Variants in XPR1 observed in about 807,000 individuals in gnomAD.
XPR1 encodes the protein xenotropic and polytropic retrovirus receptor 1, also known as solute carrier family 53 member 1.
A neutral mutation model predicts 87.5 loss-of-function variants in XPR1; 28 were observed. That is an observed-to-expected ratio of 0.32 (90% CI 0.24 to 0.44). The LOEUF is 0.44. XPR1 is among the 20% of genes least tolerant of loss of function. The probability of loss-of-function intolerance (pLI) is 1.00; values close to 1 mark genes in which losing one functional copy is unlikely to be tolerated. For missense variants in XPR1, 559 were observed against 862.3 expected (o/e 0.65, Z 4.41); for synonymous variants, 300 against 306.1 (o/e 0.98, Z 0.21).
chr1:180,789,263 C>G (rs1243271933), intron 3 of XPR1, among the ~76,000 whole-genome samples: 1 of 152,214 alleles, frequency 6.6e-6, no homozygotes, highest in Non-Finnish European at 1.5e-5. Flanking sequence ...ACTCCTGGCT[C>G]CCAGTCTGAA....
chr1:180,815,954 TAGG>T (rs770574291), intron 7 of XPR1, among the ~76,000 whole-genome samples: 2 of 152,220 alleles, frequency 1.3e-5, no homozygotes, highest in East Asian at 3.8e-4. Context: ...ACATGTATGC[TAGG>T]AGGATAGTCA....
chr1:180,814,880 A>G (rs912143932), intron 7 of XPR1, among the ~76,000 whole-genome samples: 4 of 152,054 alleles, frequency 2.6e-5, no homozygotes, highest in African/African-American at 9.7e-5. Context: ...GAGCAAAGAG[A>G]TTTAGTTGGC....
intron 2 of XPR1, among the ~76,000 whole-genome samples, chr1:180,750,572 G>C (rs1175394409): frequency 4.6e-5 from 7 of 151,142 alleles, no homozygotes; most frequent in Admixed American, 6.6e-5. Flanking sequence ...ACATGTGTAG[G>C]TCTGTTTCTT....
chr1:180,737,050 T>C (rs1308510329), intron 2 of XPR1, among the ~76,000 whole-genome samples: 1 of 152,228 alleles, frequency 6.6e-6, no homozygotes, highest in Non-Finnish European at 1.5e-5. Flanking sequence ...ATCTTCAGAC[T>C]TTCTTGCCGA....
At chr1:180,662,015 A>G (rs1655796577) in intron 1 of XPR1, among the ~76,000 whole-genome samples, 1 of 152,140 alleles carries the variant, frequency 6.6e-6, no homozygotes, top group African/African-American at 2.4e-5. Flanking sequence ...CTTTGTTTCT[A>G]TTTATATCTT....
At chr1:180,680,376 T>C (rs1656530798) in intron 1 of XPR1, among the ~76,000 whole-genome samples, 1 of 139,210 alleles carries the variant, frequency 7.2e-6, no homozygotes, top group Admixed American at 7.1e-5. Context: ...TTTTTTTTTT[T>C]TTTTTTGTGA....
intron 1 of XPR1, among the ~76,000 whole-genome samples, chr1:180,633,516 T>C (rs1654663526): frequency 6.6e-6 from 1 of 152,200 alleles, no homozygotes; most frequent in Non-Finnish European, 1.5e-5. Context: ...ATTGTAATAA[T>C]TGAAGAAGAC....
chr1:180,762,521 G>A (rs1648084608), intron 2 of XPR1, among the ~76,000 whole-genome samples: 1 of 152,096 alleles, frequency 6.6e-6, no homozygotes, highest in Non-Finnish European at 1.5e-5. Flanking sequence ...CATAAAACAA[G>A]CAAAGATCTT....
At chr1:180,660,696 G>A (rs1458811581) in intron 1 of XPR1, among the ~76,000 whole-genome samples, 2 of 150,926 alleles carry the variant, frequency 1.3e-5, no homozygotes, top group Non-Finnish European at 3.0e-5. Flanking sequence ...TTATTCCGTT[G>A]TGGTCAGAGA....
chr1:180,672,132 T>C (rs868422971), intron 1 of XPR1, among the ~76,000 whole-genome samples: 2 of 152,346 alleles, frequency 1.3e-5, no homozygotes, highest in South Asian at 2.1e-4. Flanking sequence ...TGCAAAAATT[T>C]GTGTGACTAT....
At chr1:180,721,392 G>A (rs1658175793) in intron 2 of XPR1, among the ~76,000 whole-genome samples, 1 of 152,122 alleles carries the variant, frequency 6.6e-6, no homozygotes, top group Non-Finnish European at 1.5e-5. Context: ...GACAGACTGT[G>A]GGTTGACTCA....
intron 2 of XPR1, among the ~76,000 whole-genome samples, chr1:180,759,034 T>A (rs1267765229): frequency 6.6e-6 from 1 of 151,978 alleles, no homozygotes; most frequent in African/African-American, 2.4e-5. Context: ...CATAACAAAA[T>A]GAAGGCAGAA....
intron 2 of XPR1, among the ~76,000 whole-genome samples, chr1:180,766,247 G>A (rs1030641973): frequency 6.6e-6 from 1 of 152,100 alleles, no homozygotes; most frequent in Non-Finnish European, 1.5e-5. Context: ...ATGCAACCTA[G>A]GCAAGTAAGA....
Position 180,682,365 on chromosome 1 carries a change from C to G in XPR1, c.75C>G (p.Phe25Leu). 2.5e-6 allele frequency: 4 copies of G among 1,597,756 alleles called. No individual in the cohort carries two copies. Among genetic ancestry groups the G allele is most frequent in the Non-Finnish European group, 3.4e-6 (4 of 1,171,432 alleles). ...TTTTTCTTTCTTTCTAATAGGCTTT[C>G]AAGGATATGCTGTATTCAGCTCAGG... The part of the protein sequence containing the change: ...WRKQYIQYEA[F>L]KDMLYSAQDQ... The change falls in exon 2 of 15, where the codon TTC becomes TTG. Residue 25 changes from phenylalanine to leucine, a missense_variant. This residue lies in a region of XPR1 where 159 missense variants were observed against 263.3 expected (regional missense o/e 0.60). Transcript: ENST00000367590.
At chr1:180,760,036 A>AATTTT (rs1647944972) in intron 2 of XPR1, among the ~76,000 whole-genome samples, 1 of 152,216 alleles carries the variant, frequency 6.6e-6, no homozygotes, top group Non-Finnish European at 1.5e-5. Flanking sequence ...CAATAGATGC[A>AATTTT]GAAAAGGCCT....
chr1:180,757,869 TAAAAAAAAAAAA>T (rs35162664), intron 2 of XPR1, among the ~76,000 whole-genome samples: 3 of 40,060 alleles, frequency 7.5e-5, no homozygotes, highest in African/African-American at 1.0e-4. Flanking sequence ...GTTGAAAATG[TAAAAAAAAAAAA>T]AAAAAAAAAA....
chr1:180,659,377 T>G (rs1315913831), intron 1 of XPR1, among the ~76,000 whole-genome samples: 142 of 92,144 alleles, frequency 1.5e-3, no homozygotes, highest in African/African-American at 1.8e-3. Flanking sequence ...CCGTCCGTCC[T>G]TCCGTCCTTC....
intron 11 of XPR1, among the ~76,000 whole-genome samples, chr1:180,838,636 A>C (rs942115358): frequency 2.6e-5 from 4 of 152,162 alleles, no homozygotes; most frequent in Non-Finnish European, 5.9e-5. Context: ...TTACAACTGA[A>C]ATTTTTCATC....
chr1:180,733,172 G>A (rs1195098663), intron 2 of XPR1, among the ~76,000 whole-genome samples: 1 of 152,150 alleles, frequency 6.6e-6, no homozygotes, highest in Non-Finnish European at 1.5e-5. Flanking sequence ...ACTGGATAGG[G>A]GCGTGGCAGG....
Sources: allele counts gnomAD v4.1 joint callset (sites outside exome capture counted in the v4.1 genomes callset), GRCh38; gene constraint gnomAD v4.1.1; regional missense constraint gnomAD v4.1.1; transcripts MANE v1.5; gene names NCBI Gene and HGNC (gene_info 2026-07-23, HGNC 2026-07-21).